The following CYFIP2 variants were observed in gnomAD, a reference collection of about 807,000 sequenced individuals.
The protein encoded by CYFIP2 is cytoplasmic FMR1 interacting protein 2.
In CYFIP2, 29 loss-of-function variants were observed where a neutral mutation model predicts 158.7. The observed-to-expected ratio is 0.18, with a 90% CI of 0.14 to 0.25. CYFIP2 has a LOEUF of 0.25. Among genes scored for constraint, CYFIP2 ranks in the 10% least tolerant of loss-of-function variants. The pLI, the probability that CYFIP2 is intolerant of heterozygous loss-of-function variation, is 1.00. For synonymous variants in CYFIP2, 585 were observed against 617.6 expected, an observed-to-expected ratio of 0.95 and a Z score of 0.78; for missense variants, 852 against 1,639.5, an observed-to-expected ratio of 0.52 and a Z score of 8.29.
chr5:157,275,287 C>T (rs987900094), intron 1 of CYFIP2, among the ~76,000 whole-genome samples: 6 of 152,042 alleles, frequency 3.9e-5, no homozygotes, highest in Non-Finnish European at 8.8e-5. Context: ...ATAGTTTTAG[C>T]TCTTACATAG....
Position 157,300,849 on chromosome 5 carries a change from A to G in CYFIP2, c.522A>G (p.Leu174=), listed in dbSNP as rs1240005102. Residue 174 remains leucine (L), a synonymous_variant, in exon 6 of 31, where the codon CTA becomes CTG. Coordinates refer to ENST00000620254, the MANE Select transcript of CYFIP2 (RefSeq NM_001037333.3). ...FINMFAVLDE[L]KNMKCSVKND... ...ACATGTTTGCTGTCCTGGATGAGCTAAAGAACATGAAGTGCAGCGTCAAGA... is the reference window on the plus strand; with the variant it reads ...ACATGTTTGCTGTCCTGGATGAGCTGAAGAACATGAAGTGCAGCGTCAAGA... 2 of 1,610,958 alleles carry G rather than the reference A, an allele frequency of 1.2e-6. No individual in the cohort carries two copies. The highest frequency in any genetic ancestry group is 8.5e-7 in the Non-Finnish European group (1 of 1,177,876).
chr5:157,320,770 C>A lies in CYFIP2; in HGVS notation c.1639C>A (p.Pro547Thr). 6.2e-7 allele frequency: 1 copy of A among 1,607,142 alleles called. No homozygotes were observed. Among genetic ancestry groups the A allele is most frequent in the South Asian group, 1.1e-5 (1 of 89,956 alleles). ...DPKGGFDIKVPRRAVGPSSTQ... is the reference protein window; with the variant it reads ...DPKGGFDIKVTRRAVGPSSTQ... ...CAAAGGTGGATTTGATATCAAGGTG[C>A]CCCGGCGTGCTGTGGGGCCATCCAG... Residue 547 changes from proline to threonine, a missense_variant, in exon 15 of 31, where the codon CCC (proline) becomes ACC (threonine). Pro to Thr is a conservative substitution (Grantham distance 38). Transcript: ENST00000620254.
chr5:157,322,858 CTCTCTCTCTCTT>C (rs1221887869), intron 15 of CYFIP2: 7 of 1,308,794 alleles, frequency 5.3e-6, no homozygotes, highest in Admixed American at 4.0e-5. Flanking sequence ...GCTTTTCTCT[CTCTCTCTCTCTT>C]TCTCTCTCTC....
In CYFIP2 at chr5:157,352,465, C is replaced by T. The variant is rs1763134935; in HGVS notation, c.2674-6540C>T. 2.0e-5 allele frequency among the ~76,000 whole-genome samples: 3 copies of T among 152,200 alleles called. No individual in the cohort carries two copies. The South Asian group carries it at 6.2e-4, about 32-fold the overall frequency. ...CCACCACCAACAGCACCTCCCACTT[C>T]CCTGCCACCACCCCACCCTTCTGTC... On this transcript the variant is annotated intron_variant, in intron 23 of 30. Coordinates refer to ENST00000620254, the MANE Select transcript of CYFIP2 (RefSeq NM_001037333.3).
At chr5:157,338,170 C>T (rs944563123) in intron 21 of CYFIP2, among the ~76,000 whole-genome samples, 8 of 152,218 alleles carry the variant, frequency 5.3e-5, no homozygotes, top group Admixed American at 1.3e-4. Context: ...TTTCATTTCC[C>T]AACAAATGCC....
At chr5:157,301,572 G>T (rs1189947624) in intron 6 of CYFIP2, among the ~76,000 whole-genome samples, 4 of 152,166 alleles carry the variant, frequency 2.6e-5, no homozygotes, top group Non-Finnish European at 5.9e-5. Flanking sequence ...AGGTGTAGAG[G>T]TGGAGACACC....
At chr5:157,359,218 C>T (rs1473826990) in intron 24 of CYFIP2, 70 bp downstream of exon 24, 8 of 1,584,198 alleles carry the variant, frequency 5.0e-6, no homozygotes, top group Non-Finnish European at 6.9e-6. Context: ...TTTGCTTTTA[C>T]TTTTTACCTG....
Position 157,393,938 on chromosome 5 carries a change from A to G in CYFIP2, c.*938A>G, listed in dbSNP as rs1767550372. 1.3e-5 allele frequency: 2 copies of G among 152,178 alleles called. No individual in the cohort carries two copies. Among genetic ancestry groups the G allele is most frequent in the South Asian group, 4.1e-4 (2 of 4,834 alleles). 9.4% of individuals were successfully genotyped at this position (152,178 alleles called of 1,614,324 possible). On this transcript the variant is annotated 3_prime_UTR_variant, in exon 31 of 31. Transcript: ENST00000620254. ...ACAAGAAAGAAAATATTAAGGGGTT[A>G]TTTCCACAGAAGCCCAAAACGTCTT...
intron 1 of CYFIP2, among the ~76,000 whole-genome samples, chr5:157,267,871 G>T (rs939031187): frequency 3.9e-5 from 6 of 152,384 alleles, no homozygotes; most frequent in Non-Finnish European, 8.8e-5. Flanking sequence ...ATATCTAGCA[G>T]CTGTCAGCTC....
At chr5:157,321,210 C>T (rs553408691) in intron 15 of CYFIP2, among the ~76,000 whole-genome samples, 2 of 152,320 alleles carry the variant, frequency 1.3e-5, no homozygotes, top group African/African-American at 2.4e-5. Flanking sequence ...TTTAATAAGT[C>T]CTGGCCCTTT....
At chr5:157,299,168 C>T (rs1347958763) in intron 5 of CYFIP2, among the ~76,000 whole-genome samples, 1 of 117,762 alleles carries the variant, frequency 8.5e-6, no homozygotes, top group African/African-American at 3.1e-5. Flanking sequence ...TATCTTTGCA[C>T]CCTAGAGCCA....
intron 23 of CYFIP2, among the ~76,000 whole-genome samples, chr5:157,352,470 C>A (rs796898445): frequency 1.3e-4 from 20 of 152,324 alleles, no homozygotes; most frequent in African/African-American, 4.8e-4. Context: ...CACTTCCCTG[C>A]CACCACCCCA....
At chr5:157,294,701 T>A in intron 3 of CYFIP2, 82 bp from the exon 4 acceptor site, 2 of 1,147,696 alleles carry the variant, frequency 1.7e-6, no homozygotes, top group East Asian at 2.4e-5. Flanking sequence ...GACCATACCA[T>A]AACTAGTGAG....
At chr5:157,294,635 T>G in intron 3 of CYFIP2, 148 bp from the exon 4 acceptor site, 4 of 551,582 alleles carry the variant, frequency 7.3e-6, no homozygotes, top group Non-Finnish European at 6.5e-6. Context: ...GGGAGGGACC[T>G]GAGATTCTCC....
At chr5:157,374,851 T>A (rs1765315474) in intron 26 of CYFIP2, among the ~76,000 whole-genome samples, 1 of 152,240 alleles carries the variant, frequency 6.6e-6, no homozygotes, top group Non-Finnish European at 1.5e-5. Context: ...TCCAGTCACT[T>A]GTAATAAACA....
intron 14 of CYFIP2, among the ~76,000 whole-genome samples, chr5:157,320,277 A>G (rs1760485253): frequency 6.6e-6 from 1 of 152,222 alleles, no homozygotes; most frequent in Non-Finnish European, 1.5e-5. Context: ...AGTATGCAGC[A>G]CATCTAAGCT....
At chr5:157,303,693 C>T (rs976443834) in intron 7 of CYFIP2, among the ~76,000 whole-genome samples, 3 of 152,114 alleles carry the variant, frequency 2.0e-5, no homozygotes, top group Non-Finnish European at 2.9e-5. Flanking sequence ...GCAGTGCCCT[C>T]CTCTGCATAC....
chr5:157,315,025 C>T lies in CYFIP2; in HGVS notation c.1287C>T (p.Gly429=), dbSNP rs17054446. The T allele has an allele frequency of 9.8e-4, 1,581 of 1,608,370 alleles. 17 individuals carry two copies. In the African/African-American group the frequency reaches 0.019, roughly 20 times the overall value. Residue 429 remains glycine (G), a synonymous_variant, in exon 13 of 31, where the codon GGC becomes GGT. Coordinates refer to ENST00000620254, the MANE Select transcript of CYFIP2 (RefSeq NM_001037333.3). The part of the protein sequence containing the change: ...TDKFCNKDCP[G]TAEEYERATR... Reference sequence around the variant, plus strand: ...AGTTCTGCAACAAGGACTGTCCTGGCACCGCGGAGGAATATGAGAGAGCCA... The same window carrying T: ...AGTTCTGCAACAAGGACTGTCCTGGTACCGCGGAGGAATATGAGAGAGCCA...
intron 23 of CYFIP2, chr5:157,345,674 T>C (rs1285252548): frequency 6.5e-6 from 1 of 152,734 alleles, no homozygotes; most frequent in Non-Finnish European, 1.5e-5. Context: ...GTAATCCCAC[T>C]GCCGCCCCTA....
Sources: gnomAD v4.1 joint callset for allele counts (sites outside exome capture counted in the v4.1 genomes callset) on GRCh38, gnomAD v4.1.1 for gene constraint, MANE v1.5 for transcripts, NCBI Gene and HGNC (gene_info 2026-07-23, HGNC 2026-07-21) for gene names.